The following PLCH1 variants were observed in gnomAD, a reference collection of about 807,000 sequenced individuals.
The protein encoded by PLCH1 is 1-phosphatidylinositol 4,5-bisphosphate phosphodiesterase eta-1.
In PLCH1, 60 loss-of-function variants were observed where a neutral mutation model predicts 126.7. The observed-to-expected ratio is 0.47, with a 90% confidence interval of 0.38 to 0.59. PLCH1 has a LOEUF of 0.59. Ranked by LOEUF, PLCH1 falls within the 20% of genes least tolerant of loss-of-function variation. PLCH1 has a pLI of 0.00. For synonymous variants in PLCH1, 719 were observed against 734.9 expected (o/e 0.98, Z 0.35); for missense variants, 1,723 against 2,040.0 (o/e 0.84, Z 2.99).
chr3:155,461,175 T>C (rs971602029), intron 21 of PLCH1, among the ~76,000 whole-genome samples: 1 of 152,244 alleles, frequency 6.6e-6, no homozygotes, highest in Admixed American at 6.5e-5. Flanking sequence ...TCTATATTGA[T>C]TGACATTTTT....
chr3:155,461,308 T>G (rs1282228799), intron 21 of PLCH1, among the ~76,000 whole-genome samples: 1 of 152,170 alleles, frequency 6.6e-6, no homozygotes, highest in Non-Finnish European at 1.5e-5. Context: ...AGTGAGATTT[T>G]TAGGGACCCA....
chr3:155,720,019 C>T (rs1747829763), intron 1 of PLCH1, among the ~76,000 whole-genome samples: 1 of 152,158 alleles, frequency 6.6e-6, no homozygotes, highest in South Asian at 2.1e-4. Context: ...TGGTCTTGAA[C>T]TCCTGACCTC....
chr3:155,577,208 A>C (rs772550980), intron 6 of PLCH1, among the ~76,000 whole-genome samples: 1 of 152,120 alleles, frequency 6.6e-6, no homozygotes, highest in African/African-American at 2.4e-5. Context: ...TATACGATCC[A>C]TGATCGCACC....
chr3:155,621,076 A>G (rs1736428225), intron 2 of PLCH1, among the ~76,000 whole-genome samples: 1 of 152,104 alleles, frequency 6.6e-6, no homozygotes, highest in African/African-American at 2.4e-5. Flanking sequence ...ACAGGCTGCA[A>G]TCTTTGCTGT....
intron 2 of PLCH1, among the ~76,000 whole-genome samples, chr3:155,680,493 A>G (rs747632353): frequency 6.6e-6 from 1 of 152,208 alleles, no homozygotes; most frequent in Non-Finnish European, 1.5e-5. Context: ...CAGCTTCGCC[A>G]TTGAGAGCCT....
At chr3:155,645,540 G>A (rs142705335) in intron 2 of PLCH1, among the ~76,000 whole-genome samples, 123 of 152,254 alleles carry the variant, frequency 8.1e-4, no homozygotes, top group Middle Eastern at 3.4e-3. Flanking sequence ...GCAGTGGCAC[G>A]ATCACAGCTT....
chr3:155,637,434 T>C (rs1738869647), intron 2 of PLCH1, among the ~76,000 whole-genome samples: 1 of 152,142 alleles, frequency 6.6e-6, no homozygotes, highest in African/African-American at 2.4e-5. Context: ...TAATAAAAGA[T>C]GAGAAAAGTC....
At chr3:155,691,225 G>A (rs543614419) in intron 2 of PLCH1, among the ~76,000 whole-genome samples, 1 of 152,316 alleles carries the variant, frequency 6.6e-6, no homozygotes, top group African/African-American at 2.4e-5. Context: ...TGTGATTTCT[G>A]TGAGTTTCAT....
At chr3:155,591,765 G>A (rs1732203080) in intron 4 of PLCH1, among the ~76,000 whole-genome samples, 1 of 151,948 alleles carries the variant, frequency 6.6e-6, no homozygotes, top group Non-Finnish European at 1.5e-5. Context: ...TTTGAGACAG[G>A]GTCTTGGTAG....
In PLCH1 at chr3:155,699,938, T is replaced by A. The variant is rs73876921; in HGVS notation, c.79+4208A>T. Among the ~76,000 whole-genome samples, 1,289 of 152,174 alleles carry A rather than the reference T, an allele frequency of 8.5e-3. 19 individuals carry two copies. The highest frequency in any genetic ancestry group is 0.029 in the African/African-American group (1,214 of 41,504). On this transcript the variant is annotated intron_variant, in intron 2 of 22. Coordinates refer to ENST00000460012, the MANE Select transcript of PLCH1 (RefSeq NM_014996.4). ...TACAGTCCAAAAAGAAATCTTATCT[T>A]CTCTTCAATGCCATCTTGCCAGCCT...
intron 2 of PLCH1, among the ~76,000 whole-genome samples, chr3:155,645,563 A>G (rs191212890): frequency 5.3e-4 from 80 of 152,142 alleles, no homozygotes; most frequent in Admixed American, 1.6e-3. Flanking sequence ...TGCAGCCTCA[A>G]CCTCCCAGGC....
chr3:155,581,362 G>T lies in PLCH1; in HGVS notation c.771+2110C>A, dbSNP rs542019737. On this transcript the variant is annotated intron_variant, in intron 6 of 22. Transcript: ENST00000460012. ...CCTGTACATGAATGTTCACAGCAGC[G>T]TTATTCGTAACAGCCCCCAAAAAGC... 2.0e-5 allele frequency among the ~76,000 whole-genome samples: 3 copies of T among 152,108 alleles called. No homozygotes were observed. The East Asian group carries it at 5.8e-4, about 29-fold the overall frequency.
At chr3:155,567,514 A>G (rs987136082) in intron 7 of PLCH1, among the ~76,000 whole-genome samples, 1 of 152,222 alleles carries the variant, frequency 6.6e-6, no homozygotes, top group Non-Finnish European at 1.5e-5. Context: ...TTGGTGAGAT[A>G]AACCATGGCT....
At chr3:155,652,675 G>A (rs1559897780) in intron 2 of PLCH1, among the ~76,000 whole-genome samples, 3 of 152,122 alleles carry the variant, frequency 2.0e-5, no homozygotes, top group Non-Finnish European at 4.4e-5. Context: ...CCTCACTGCT[G>A]CTTTCAGACC....
In PLCH1 at chr3:155,728,952, G is replaced by T. The variant is rs926407051; in HGVS notation, c.-41+15888C>A. On this transcript the variant is annotated intron_variant, in intron 1 of 22. Transcript: ENST00000460012. ...GTTTCTTGATGACATACAAACAGCA[G>T]ATTTATTTTACAATTCTTATTTAAT... 2.0e-5 allele frequency among the ~76,000 whole-genome samples: 3 copies of T among 152,148 alleles called. No individual in the cohort carries two copies. In the East Asian group the frequency reaches 5.8e-4, roughly 29 times the overall value.
chr3:155,542,970 A>C (rs1477530432), intron 10 of PLCH1, among the ~76,000 whole-genome samples: 1 of 152,204 alleles, frequency 6.6e-6, no homozygotes, highest in African/African-American at 2.4e-5. Flanking sequence ...AAACTCTAAA[A>C]AGCAGAGCAC....
chr3:155,654,732 A>G (rs1577250464), intron 2 of PLCH1, among the ~76,000 whole-genome samples: 1 of 152,192 alleles, frequency 6.6e-6, no homozygotes, highest in African/African-American at 2.4e-5. Flanking sequence ...ATGTAATAAT[A>G]TCATGACTGG....
chr3:155,592,603 G>A (rs1221847604), intron 4 of PLCH1, among the ~76,000 whole-genome samples: 3 of 152,144 alleles, frequency 2.0e-5, no homozygotes, highest in African/African-American at 4.8e-5. Flanking sequence ...AAGGGCAGTC[G>A]GCTGCAAGAC....
chr3:155,729,643 G>T (rs1748607274), intron 1 of PLCH1, among the ~76,000 whole-genome samples: 1 of 152,142 alleles, frequency 6.6e-6, no homozygotes, highest in South Asian at 2.1e-4. Flanking sequence ...AGGAAATTGG[G>T]CCAGGCACAG....
Sources: gnomAD v4.1 joint callset for allele counts (sites outside exome capture counted in the v4.1 genomes callset) on GRCh38, gnomAD v4.1.1 for gene constraint, MANE v1.5 for transcripts, NCBI Gene and HGNC (gene_info 2026-07-23, HGNC 2026-07-21) for gene names.